MBP: variants seen among roughly 807,000 people sequenced by gnomAD.
The protein encoded by MBP is Golli-MBP.
Under a neutral mutation model 35.8 loss-of-function variants are expected in MBP, and 16 were observed. The observed-to-expected ratio is 0.45, with a 90% CI of 0.30 to 0.68. The LOEUF (loss-of-function observed/expected upper bound fraction) is 0.68, where lower values mean the gene tolerates loss of function less well. Ranked by LOEUF, MBP falls within the 30% of genes least tolerant of loss-of-function variation. MBP has a pLI of 0.08. For missense variants in MBP, 380 were observed against 404.7 expected (o/e 0.94, Z 0.52); for synonymous variants, 143 against 159.6 (o/e 0.90, Z 0.78).
intron 4 of MBP, among the ~76,000 whole-genome samples, chr18:76,998,001 T>C (rs1970409386): frequency 6.6e-6 from 1 of 152,230 alleles, no homozygotes; most frequent in Admixed American, 6.5e-5. Flanking sequence ...TTTTAAAAAG[T>C]AATTTTTTTA....
Position 77,013,373 on chromosome 18 carries a change from T to C in MBP, c.576+3459A>G. 5 of 985,462 alleles carry C rather than the reference T, an allele frequency of 5.1e-6. 1 individual carries two copies. The highest frequency in any genetic ancestry group is 9.4e-5 in the South Asian group (2 of 21,290). The allele number at this position is 985,462 out of a possible 1,614,324, so 61.0% of individuals were successfully genotyped here. A position where few individuals can be genotyped will look rare whatever the true frequency, so the allele number is the denominator to read the frequency against. On this transcript the variant is annotated intron_variant, in intron 4 of 8. Transcript: ENST00000355994. ...TCCGTGCTGTCTACTGTATCCTTCA[T>C]GTGTCTCCAAATGGTACACGCCCCA...
At chr18:77,001,107 G>A (rs939828188) in intron 4 of MBP, among the ~76,000 whole-genome samples, 1 of 152,100 alleles carries the variant, frequency 6.6e-6, no homozygotes, top group African/African-American at 2.4e-5. Context: ...GAGCCTGTCC[G>A]GGTCCCTGCC....
chr18:77,066,996 C>T (rs1974226865), intron 2 of MBP, among the ~76,000 whole-genome samples: 1 of 152,286 alleles, frequency 6.6e-6, no homozygotes, highest in South Asian at 2.1e-4. Context: ...GTTTGGGGCC[C>T]GAATGGCAGT....
Position 77,044,691 on chromosome 18 carries a change from A to T in MBP, c.139+21607T>A, listed in dbSNP as rs1291318056. ...GGCCCCGGAATCACCTGCCACGTGA[A>T]TAAACAAAGTCAGATCTGAAATGCT... On this transcript the variant is annotated intron_variant, in intron 3 of 8. Coordinates refer to ENST00000355994, the MANE Select transcript of MBP (RefSeq NM_001025101.2). The surrounding 1 kb of genome is among the most constrained non-coding windows in gnomAD (Gnocchi z 4.4). Among the ~76,000 whole-genome samples the T allele has an allele frequency of 1.3e-5, 2 of 152,220 alleles. No homozygotes were observed. Among genetic ancestry groups the T allele is most frequent in the East Asian group, 3.9e-4 (2 of 5,192 alleles).
chr18:77,011,586 C>T (rs938894809), intron 4 of MBP, among the ~76,000 whole-genome samples: 2 of 152,140 alleles, frequency 1.3e-5, no homozygotes, highest in Non-Finnish European at 2.9e-5. Context: ...CCTGTAACCC[C>T]GGCTGCCTGC....
chr18:77,106,248 G>A (rs1005109063), intron 1 of MBP, among the ~76,000 whole-genome samples: 4 of 152,148 alleles, frequency 2.6e-5, no homozygotes, highest in African/African-American at 7.2e-5. Flanking sequence ...AGATACACCC[G>A]AACACAATGC....
chr18:76,987,219 G>T, intron 7 of MBP: 10 of 985,418 alleles, frequency 1.0e-5, no homozygotes, highest in South Asian at 4.7e-5. Context: ...AGCAGATAAA[G>T]CAGTAGCTAA....
intron 3 of MBP, among the ~76,000 whole-genome samples, chr18:77,025,043 C>A (rs143631391): frequency 4.7e-4 from 71 of 152,222 alleles, no homozygotes; most frequent in African/African-American, 1.6e-3. Context: ...CGTAACTCTC[C>A]GAGGCGGGTG....
At chr18:77,010,035 G>A (rs1359862572) in intron 4 of MBP, 4 of 724,846 alleles carry the variant, frequency 5.5e-6, no homozygotes, top group Non-Finnish European at 9.7e-6. Flanking sequence ...AGAGCCCAGA[G>A]TGAGGAGGAG....
intron 1 of MBP, among the ~76,000 whole-genome samples, chr18:77,106,697 C>T (rs955234610): frequency 6.6e-6 from 1 of 152,202 alleles, no homozygotes; most frequent in Non-Finnish European, 1.5e-5. Context: ...GATATAAACA[C>T]AACCCACCTG....
chr18:77,012,839 A>G (rs1477775780), intron 4 of MBP: 1 of 985,432 alleles, frequency 1.0e-6, no homozygotes, highest in East Asian at 1.1e-4. Context: ...GCAGAAAAAT[A>G]TATAAAGCCA....
At chr18:77,110,903 A>G (rs777144478) in intron 1 of MBP, among the ~76,000 whole-genome samples, 20 of 152,336 alleles carry the variant, frequency 1.3e-4, no homozygotes, top group Middle Eastern at 6.8e-3. Flanking sequence ...GTAGAATTTG[A>G]AGAGCCCACC....
rs2145098314 is a variant in MBP at position 77,100,420 on chromosome 18, A to G, written c.51+4791T>C. 2.0e-5 allele frequency among the ~76,000 whole-genome samples: 3 copies of G among 152,322 alleles called. 1 individual carries two copies. The South Asian group carries it at 6.2e-4, about 32-fold the overall frequency. On this transcript the variant is annotated intron_variant, in intron 2 of 8. Coordinates refer to ENST00000355994, the MANE Select transcript of MBP (RefSeq NM_001025101.2). ...TGTTATGGCAGCCCCAAGAACTCAT[A>G]CAACATACAATGTAGACAATGTCTG...
chr18:77,127,998 T>TAGC (rs1391749711), intron 1 of MBP: 2 of 152,198 alleles, frequency 1.3e-5, no homozygotes, highest in African/African-American at 2.4e-5. Context: ...AAATTAGACA[T>TAGC]GTGCTAACCA....
rs908044640 is a variant in MBP, at chr18:77,044,349, T to TC, written c.139+21948dup. ...TCCAAGCTTCAGGTCCACCGTGACC[T>TC]CCCCCAACTCTGCTGCAGCTGCCGT... On this transcript the variant is annotated intron_variant, in intron 3 of 8. Coordinates refer to ENST00000355994, the MANE Select transcript of MBP (RefSeq NM_001025101.2). The surrounding 1 kb of genome is among the most constrained non-coding windows in gnomAD (Gnocchi z 4.4). Among the ~76,000 whole-genome samples the TC allele has an allele frequency of 6.6e-6, 1 of 151,964 alleles. No individual in the cohort carries two copies. The highest frequency in any genetic ancestry group is 1.5e-5 in the Non-Finnish European group (1 of 67,966).
chr18:77,128,521 C>CA (rs1977133659), intron 1 of MBP, among the ~76,000 whole-genome samples: 8 of 147,616 alleles, frequency 5.4e-5, no homozygotes, highest in East Asian at 4.0e-4. Context: ...CACGTGCATA[C>CA]CACACACACA....
At chr18:77,017,408 T>A (rs954879381) in intron 3 of MBP, 140 bp from the exon 4 acceptor site, 6 of 703,016 alleles carry the variant, frequency 8.5e-6, no homozygotes, top group Non-Finnish European at 1.0e-5. Flanking sequence ...GCCCTTGGCC[T>A]AGGATGGAGC....
chr18:77,101,573 T>A lies in MBP; in HGVS notation c.51+3638A>T, dbSNP rs962350124. Reference sequence around the variant, plus strand: ...GATGTCTCCTGTTCTGACCCTCAACTGGCCCAGGAAGGTGGCTCAACCACT... The same window carrying A: ...GATGTCTCCTGTTCTGACCCTCAACAGGCCCAGGAAGGTGGCTCAACCACT... On this transcript the variant is annotated intron_variant, in intron 2 of 8. Transcript: ENST00000355994. The surrounding 1 kb of genome is among the most constrained non-coding windows in gnomAD (Gnocchi z 4.3). 2.3e-5 allele frequency among the ~76,000 whole-genome samples: 3 copies of A among 132,848 alleles called. No individual in the cohort carries two copies. 87.2% of individuals were successfully genotyped at this position (132,848 alleles called of 152,430 possible).
intron 2 of MBP, chr18:77,093,593 C>G (rs547914259): frequency 6.6e-6 from 1 of 152,336 alleles, no homozygotes; most frequent in Non-Finnish European, 1.5e-5. Flanking sequence ...GTGCTTTCCA[C>G]CAAGCATGGA....
Sources: allele counts gnomAD v4.1 joint callset (sites outside exome capture counted in the v4.1 genomes callset), GRCh38; gene constraint gnomAD v4.1.1; non-coding constraint Gnocchi (gnomAD v3.1); transcripts MANE v1.5; gene names NCBI Gene and HGNC (gene_info 2026-07-23, HGNC 2026-07-21).